Variants in PDE2A observed in about 807,000 individuals in gnomAD.
PDE2A encodes phosphodiesterase 2A.
A neutral mutation model predicts 133.6 loss-of-function variants in PDE2A; 53 were observed. That is an observed-to-expected ratio of 0.40 (90% CI 0.32 to 0.50). PDE2A has a LOEUF of 0.50. PDE2A is among the 20% of genes least tolerant of loss of function. The pLI is 0.73. For missense variants in PDE2A, 796 were observed against 1,232.4 expected, an observed-to-expected ratio of 0.65 and a Z score of 5.30; for synonymous variants, 491 against 490.2, an observed-to-expected ratio of 1.00 and a Z score of -0.02.
rs370161677 is a variant in PDE2A, at chr11:72,588,925, G to A, written c.940-11C>T. ...CTGTTGTACATCCTCCTGCAAAGGC[G>A]AGGCAAGTCAGGGCAGGGAAGCAGG... On this transcript the variant is annotated splice_polypyrimidine_tract_variant and intron_variant, in intron 12 of 30. Coordinates refer to ENST00000334456, the MANE Select transcript of PDE2A (RefSeq NM_002599.5). The A allele has an allele frequency of 6.6e-5, 105 of 1,595,290 alleles. 1 individual carries two copies. The Admixed American group carries it at 9.1e-4, about 14-fold the overall frequency.
intron 3 of PDE2A, among the ~76,000 whole-genome samples, chr11:72,608,301 C>T (rs1565167069): frequency 6.6e-6 from 1 of 152,204 alleles, no homozygotes; most frequent in Non-Finnish European, 1.5e-5. Flanking sequence ...TACATGTCTA[C>T]CCTCAACTTC....
At chr11:72,662,209 A>G (rs1409157087) in intron 1 of PDE2A, among the ~76,000 whole-genome samples, 1 of 152,156 alleles carries the variant, frequency 6.6e-6, no homozygotes, top group African/African-American at 2.4e-5. Context: ...ATGATTGTCA[A>G]GCACTTAGAG....
chr11:72,598,505 G>A (rs1463011640), intron 4 of PDE2A: 1 of 1,288,740 alleles, frequency 7.8e-7, no homozygotes, highest in Non-Finnish European at 1.0e-6. Context: ...GCTTAATTAA[G>A]CACCTGAGTT....
intron 6 of PDE2A, among the ~76,000 whole-genome samples, chr11:72,593,534 T>C (rs1432404895): frequency 1.3e-5 from 2 of 152,072 alleles, no homozygotes; most frequent in African/African-American, 4.8e-5. Flanking sequence ...AAGTTCAAAA[T>C]GGTTAATGGC....
intron 20 of PDE2A, among the ~76,000 whole-genome samples, chr11:72,582,946 T>C (rs1011473664): frequency 3.3e-5 from 5 of 152,192 alleles, no homozygotes; most frequent in Non-Finnish European, 5.9e-5. Flanking sequence ...ACTCACAAGG[T>C]CTGGGCCTCT....
chr11:72,664,201 C>T (rs1440873563), intron 1 of PDE2A, among the ~76,000 whole-genome samples: 1 of 152,084 alleles, frequency 6.6e-6, no homozygotes, highest in East Asian at 1.9e-4. Flanking sequence ...CTGCCAACGC[C>T]CCTGGCCCCT....
At chr11:72,654,435 G>T (rs1854835021) in intron 1 of PDE2A, among the ~76,000 whole-genome samples, 1 of 152,156 alleles carries the variant, frequency 6.6e-6, no homozygotes, top group Non-Finnish European at 1.5e-5. Context: ...AGGTGGGAGA[G>T]CCTGGGGGAG....
chr11:72,648,828 T>C (rs1284128834), intron 1 of PDE2A, among the ~76,000 whole-genome samples: 1 of 152,094 alleles, frequency 6.6e-6, no homozygotes, highest in African/African-American at 2.4e-5. Flanking sequence ...TTGGAGTCTT[T>C]CCATAGATAC....
chr11:72,604,117 T>C (rs1157021585), intron 4 of PDE2A, among the ~76,000 whole-genome samples: 1 of 152,184 alleles, frequency 6.6e-6, no homozygotes. Flanking sequence ...CACTCTGCCC[T>C]CAGCTCCTGC....
intron 1 of PDE2A, among the ~76,000 whole-genome samples, chr11:72,656,048 G>A (rs1321025931): frequency 6.6e-6 from 1 of 152,192 alleles, no homozygotes; most frequent in Non-Finnish European, 1.5e-5. Context: ...GAGGCTCACG[G>A]CCCGGCATCC....
intron 1 of PDE2A, among the ~76,000 whole-genome samples, chr11:72,667,227 G>A (rs2135464847): frequency 6.6e-6 from 1 of 152,208 alleles, no homozygotes; most frequent in South Asian, 2.1e-4. Flanking sequence ...ATGCACAACT[G>A]GAAGCTCACA....
chr11:72,609,811 G>A (rs1431024418), intron 2 of PDE2A, among the ~76,000 whole-genome samples: 1 of 149,150 alleles, frequency 6.7e-6, no homozygotes, highest in African/African-American at 2.4e-5. Context: ...GCAAGATGAA[G>A]GAGACATGGC....
chr11:72,628,771 A>G (rs2135411815), intron 2 of PDE2A, among the ~76,000 whole-genome samples: 1 of 152,324 alleles, frequency 6.6e-6, no homozygotes, highest in East Asian at 1.9e-4. Flanking sequence ...CTTGTCCACT[A>G]TATGAGGCCA....
At chr11:72,618,709 C>T (rs1376084914) in intron 2 of PDE2A, among the ~76,000 whole-genome samples, 1 of 152,216 alleles carries the variant, frequency 6.6e-6, no homozygotes, top group Non-Finnish European at 1.5e-5. Flanking sequence ...TTCCCACCTC[C>T]ATTTTTCAGA....
rs556021718 is a variant in PDE2A at position 72,656,502 on chromosome 11, C to T, written c.72-14176G>A. Among the ~76,000 whole-genome samples, 15 of 152,230 alleles carry T rather than the reference C, an allele frequency of 9.9e-5. No individual in the cohort carries two copies. The East Asian group carries it at 2.5e-3, about 25-fold the overall frequency. ...ACCCAAGTTTGAATCCATCTCTGAC[C>T]CTAATGCCTTGCTGGCCCTGGCAAG... On this transcript the variant is annotated intron_variant, in intron 1 of 30. Coordinates refer to ENST00000334456, the MANE Select transcript of PDE2A (RefSeq NM_002599.5).
chr11:72,576,589 A>G lies in PDE2A; in HGVS notation c.*795T>C, dbSNP rs181092837. ...GCAGAGCGATAGAGCTATTTTAGAC[A>G]TTGATCTAAAATGGATCTTAGAGCA... On this transcript the variant is annotated 3_prime_UTR_variant, in exon 31 of 31. Transcript: ENST00000334456. The G allele has an allele frequency of 2.9e-4, 50 of 169,624 alleles. No individual in the cohort carries two copies. Among genetic ancestry groups the G allele is most frequent in the African/African-American group, 1.2e-3 (48 of 41,654 alleles). 10.5% of individuals were successfully genotyped at this position (169,624 alleles called of 1,614,324 possible).
intron 27 of PDE2A, 57 bp from the exon 28 acceptor site, chr11:72,579,066 G>T: frequency 7.5e-7 from 1 of 1,333,144 alleles, no homozygotes; most frequent in South Asian, 1.2e-5. Context: ...CCCTTCTGAG[G>T]ACAAGGCTCC....
rs140464368 is a variant in PDE2A, at chr11:72,652,951, A to T, written c.72-10625T>A. Among the ~76,000 whole-genome samples, 3 of 152,336 alleles carry T rather than the reference A, an allele frequency of 2.0e-5. No homozygotes were observed. The East Asian group carries it at 5.8e-4, about 29-fold the overall frequency. On this transcript the variant is annotated intron_variant, in intron 1 of 30. Transcript: ENST00000334456. ...TCTCTTGCCTCCTCAAGTTGGAGGC[A>T]ACCTAGAGCCTGGCCACACTTCCTG...
At chr11:72,607,953 G>A (rs563475046) in intron 3 of PDE2A, among the ~76,000 whole-genome samples, 12 of 152,150 alleles carry the variant, frequency 7.9e-5, no homozygotes, top group African/African-American at 2.9e-4. Context: ...CTGCTACTTT[G>A]GGCCTCAAGG....
Sources: gnomAD v4.1 joint callset for allele counts (sites outside exome capture counted in the v4.1 genomes callset) on GRCh38, gnomAD v4.1.1 for gene constraint, MANE v1.5 for transcripts, NCBI Gene and HGNC (gene_info 2026-07-23, HGNC 2026-07-21) for gene names.